Variants in NARS2 observed in about 807,000 individuals in gnomAD.
NARS2 encodes asparaginyl-tRNA synthetase.
A neutral mutation model predicts 62.9 loss-of-function variants in NARS2; 60 were observed. The observed-to-expected ratio is 0.95, with a 90% CI of 0.77 to 1.18. The LOEUF (loss-of-function observed/expected upper bound fraction) is 1.18. NARS2 is among the 50% of genes most tolerant of loss of function. NARS2 has a pLI of 0.00. For synonymous variants in NARS2, 196 were observed against 200.0 expected (o/e 0.98, Z 0.17); for missense variants, 619 against 576.4 (o/e 1.07, Z -0.76).
At chr11:78,518,168 T>C (rs1364171416) in intron 6 of NARS2, among the ~76,000 whole-genome samples, 2 of 152,196 alleles carry the variant, frequency 1.3e-5, no homozygotes, top group Admixed American at 6.5e-5. Context: ...ATAACAACTA[T>C]TCACATAGCA....
At chr11:78,546,205 A>T (rs1855867523) in intron 5 of NARS2, among the ~76,000 whole-genome samples, 1 of 152,232 alleles carries the variant, frequency 6.6e-6, no homozygotes, top group South Asian at 2.1e-4. Flanking sequence ...GGGATGGCTG[A>T]AACAGCTGAA....
intron 7 of NARS2, among the ~76,000 whole-genome samples, chr11:78,485,407 CA>C (rs906982382): frequency 6.6e-6 from 1 of 150,578 alleles, no homozygotes; most frequent in African/African-American, 2.5e-5. Context: ...TAAAAAAAAA[CA>C]AAAAAAACTC....
chr11:78,542,378 C>A (rs1194811137), intron 5 of NARS2, among the ~76,000 whole-genome samples: 1 of 152,126 alleles, frequency 6.6e-6, no homozygotes, highest in African/African-American at 2.4e-5. Flanking sequence ...TGTAAAATTG[C>A]AAAACAGCAA....
chr11:78,490,590 G>A (rs1172072625), intron 7 of NARS2, among the ~76,000 whole-genome samples: 1 of 152,052 alleles, frequency 6.6e-6, no homozygotes, highest in African/African-American at 2.4e-5. Context: ...ACTGAGGCAG[G>A]CGGATGGCTT....
intron 1 of NARS2, among the ~76,000 whole-genome samples, chr11:78,572,234 T>A (rs1856955222): frequency 6.6e-6 from 1 of 152,232 alleles, no homozygotes; most frequent in African/African-American, 2.4e-5. Flanking sequence ...TTTCTTACTT[T>A]CACTTGTTAA....
At chr11:78,478,307 T>C (rs1486121374) in intron 9 of NARS2, 131 bp downstream of exon 9, 1 of 292,224 alleles carries the variant, frequency 3.4e-6, no homozygotes, top group Non-Finnish European at 6.2e-6. Flanking sequence ...TATATAGACA[T>C]ATAATATGTC....
At chr11:78,490,026 GA>G (rs1859748684) in intron 7 of NARS2, among the ~76,000 whole-genome samples, 1 of 152,096 alleles carries the variant, frequency 6.6e-6, no homozygotes, top group African/African-American at 2.4e-5. Flanking sequence ...GTGACAGAGT[GA>G]GACCCTGCCT....
chr11:78,554,508 C>CGTGTGTGTGTGTGTGTGT (rs71046981), intron 5 of NARS2, among the ~76,000 whole-genome samples: 20,730 of 146,848 alleles, frequency 0.14, 1,906 homozygotes, highest in Non-Finnish European at 0.2. Context: ...GGCGTGTGTG[C>CGTGTGTGTGTGTGTGTGT]GTGTGTGTGT....
At chr11:78,546,597 G>A (rs1855886765) in intron 5 of NARS2, 1 of 152,222 alleles carries the variant, frequency 6.6e-6, no homozygotes, top group Non-Finnish European at 1.5e-5. Flanking sequence ...ATGTCATGTA[G>A]TCAATTAATA....
intron 3 of NARS2, 97 bp downstream of exon 3, chr11:78,568,535 A>G: frequency 7.3e-7 from 1 of 1,378,472 alleles, no homozygotes; most frequent in Non-Finnish European, 9.8e-7. Context: ...CAAATGAAAT[A>G]TATTCTAAGT....
intron 11 of NARS2, among the ~76,000 whole-genome samples, chr11:78,461,650 G>C (rs956726744): frequency 2.1e-5 from 3 of 143,070 alleles, no homozygotes; most frequent in African/African-American, 8.0e-5. Flanking sequence ...CCATCCTAAA[G>C]TTGTTCAGTT....
intron 6 of NARS2, among the ~76,000 whole-genome samples, chr11:78,514,079 C>T (rs575087820): frequency 6.6e-4 from 100 of 152,252 alleles, no homozygotes; most frequent in African/African-American, 2.3e-3. Flanking sequence ...CCTACAAAAC[C>T]GTTAGCCAAT....
At chr11:78,449,296 C>T (rs1253912714) in intron 11 of NARS2, among the ~76,000 whole-genome samples, 2 of 151,638 alleles carry the variant, frequency 1.3e-5, no homozygotes, top group Admixed American at 6.6e-5. Flanking sequence ...CCACCATGCC[C>T]GGCTAATTTT....
intron 13 of NARS2, among the ~76,000 whole-genome samples, chr11:78,437,032 A>G (rs1483562326): frequency 1.3e-5 from 2 of 152,232 alleles, no homozygotes; most frequent in Admixed American, 1.3e-4. Flanking sequence ...CCTGTCATAC[A>G]GTCATGGGCT....
intron 11 of NARS2, among the ~76,000 whole-genome samples, chr11:78,451,023 T>G (rs1465998083): frequency 6.6e-6 from 1 of 152,172 alleles, no homozygotes; most frequent in Non-Finnish European, 1.5e-5. Flanking sequence ...TTCTTTTCTC[T>G]TTTACTTCAG....
At chr11:78,497,809 C>T (rs1397353551) in intron 6 of NARS2, among the ~76,000 whole-genome samples, 2 of 152,164 alleles carry the variant, frequency 1.3e-5, no homozygotes, top group Non-Finnish European at 2.9e-5. Context: ...ATGCAGCCTT[C>T]ACCATTTCAA....
At chr11:78,460,734 T>C (rs1334027613) in intron 11 of NARS2, among the ~76,000 whole-genome samples, 1 of 152,196 alleles carries the variant, frequency 6.6e-6, no homozygotes, top group Non-Finnish European at 1.5e-5. Context: ...CAGTTTTGGA[T>C]GTGTTGTGTT....
At chr11:78,537,672 G>T (rs1322157845) in intron 5 of NARS2, among the ~76,000 whole-genome samples, 2 of 152,190 alleles carry the variant, frequency 1.3e-5, no homozygotes, top group Non-Finnish European at 2.9e-5. Flanking sequence ...ATGGAGGCAC[G>T]TGCCTGTAGT....
chr11:78,553,449 C>T (rs562901921), intron 5 of NARS2, among the ~76,000 whole-genome samples: 28 of 152,138 alleles, frequency 1.8e-4, no homozygotes, highest in South Asian at 4.2e-4. Context: ...CCACCATGCC[C>T]GGCTAATGTT....
Sources: gnomAD v4.1 joint callset for allele counts (sites outside exome capture counted in the v4.1 genomes callset) on GRCh38, gnomAD v4.1.1 for gene constraint, MANE v1.5 for transcripts, NCBI Gene and HGNC (gene_info 2026-07-23, HGNC 2026-07-21) for gene names.